CTNNA2: variants seen among roughly 807,000 people sequenced by gnomAD.
CTNNA2 encodes catenin alpha-2.
CTNNA2 carries 42 observed loss-of-function variants against 101.0 expected under a neutral mutation model. The ratio of observed to expected loss-of-function variants is 0.42; its 90% CI spans 0.32 to 0.54. The LOEUF is 0.54. CTNNA2 is among the 20% of genes least tolerant of loss of function. CTNNA2 has a pLI of 0.14. For synonymous variants in CTNNA2, 450 were observed against 456.4 expected (o/e 0.99, Z 0.18); for missense variants, 871 against 1,223.1 (o/e 0.71, Z 4.29).
In CTNNA2 at chr2:80,425,708, GT is replaced by G. The variant is rs200540908; in HGVS notation, c.1290+6115del. On this transcript the variant is annotated intron_variant, in intron 9 of 18. Transcript: ENST00000402739. Reference sequence around the variant, plus strand: ...ATTCAGTTTGCTATCTATTTTATGGGTTTTTTTTCCCTTGTATTTGTGTGCC... The same window carrying G: ...ATTCAGTTTGCTATCTATTTTATGGGTTTTTTTCCCTTGTATTTGTGTGCC... 8.6e-5 allele frequency among the ~76,000 whole-genome samples: 13 copies of G among 151,674 alleles called. No homozygotes were observed. In the South Asian group the frequency reaches 1.0e-3, roughly 12 times the overall value.
intron 9 of CTNNA2, among the ~76,000 whole-genome samples, chr2:80,491,319 T>A (rs1687040341): frequency 6.6e-6 from 1 of 152,314 alleles, no homozygotes; most frequent in South Asian, 2.1e-4. Flanking sequence ...GATCCATGGC[T>A]GCTACTTGCA....
chr2:79,428,591 AT>A (rs879473421), intron 4 of CTNNA2, among the ~76,000 whole-genome samples: 21 of 152,056 alleles, frequency 1.4e-4, no homozygotes, highest in Admixed American at 5.3e-4. Context: ...AGACAGAAAC[AT>A]GTAAAAAACA....
At position 80,020,359 on chromosome 2, in the gene CTNNA2, G is replaced by A. The variant is rs148538822; in HGVS notation, c.1056+110562G>A. 9.9e-4 allele frequency among the ~76,000 whole-genome samples: 150 copies of A among 152,240 alleles called. 4 individuals carry two copies. In the East Asian group the frequency reaches 0.027, roughly 27 times the overall value. On this transcript the variant is annotated intron_variant, in intron 7 of 18. Coordinates refer to ENST00000402739, the MANE Select transcript of CTNNA2 (RefSeq NM_001282597.3). ...ACTTGTATCTCCCAGGATGTTATAG[G>A]TTAGCAAAATAAACAGTGTATGATC...
chr2:79,450,590 A>G (rs923828179), intron 4 of CTNNA2, among the ~76,000 whole-genome samples: 28 of 152,104 alleles, frequency 1.8e-4, no homozygotes, highest in African/African-American at 6.8e-4. Flanking sequence ...TGATGAAATT[A>G]TCTTGAAATT....
At chr2:79,706,942 C>T (rs1685422403) in intron 2 of CTNNA2, among the ~76,000 whole-genome samples, 1 of 152,128 alleles carries the variant, frequency 6.6e-6, no homozygotes, top group Non-Finnish European at 1.5e-5. Flanking sequence ...CCACAGAATC[C>T]TGACTACACA....
intron 3 of CTNNA2, among the ~76,000 whole-genome samples, chr2:79,318,989 G>C (rs1464519206): frequency 6.6e-6 from 1 of 152,094 alleles, no homozygotes; most frequent in Non-Finnish European, 1.5e-5. Context: ...TAGAAATTAG[G>C]AAAGATTTTC....
At chr2:79,998,855 A>G (rs909822161) in intron 7 of CTNNA2, among the ~76,000 whole-genome samples, 4 of 152,168 alleles carry the variant, frequency 2.6e-5, no homozygotes, top group African/African-American at 7.2e-5. Flanking sequence ...GACAGCAATT[A>G]CGAGCCTTCT....
intron 6 of CTNNA2, among the ~76,000 whole-genome samples, chr2:79,875,973 A>G (rs2104076032): frequency 6.6e-6 from 1 of 152,094 alleles, no homozygotes; most frequent in East Asian, 2.0e-4. Flanking sequence ...TAATTTTTAA[A>G]AAGTTAATTT....
At chr2:80,619,834 C>T (rs182282909) in intron 18 of CTNNA2, among the ~76,000 whole-genome samples, 1 of 151,972 alleles carries the variant, frequency 6.6e-6, no homozygotes. Context: ...GATTTACTAC[C>T]CATTTTTGTT....
At chr2:80,496,198 G>A (rs1201434160) in intron 9 of CTNNA2, among the ~76,000 whole-genome samples, 3 of 152,040 alleles carry the variant, frequency 2.0e-5, no homozygotes, top group Non-Finnish European at 4.4e-5. Flanking sequence ...ATACATTTCT[G>A]TTGTTTTAAG....
At chr2:80,122,294 A>C (rs145591870) in intron 7 of CTNNA2, among the ~76,000 whole-genome samples, 2 of 134,056 alleles carry the variant, frequency 1.5e-5, no homozygotes, top group Non-Finnish European at 3.2e-5. Flanking sequence ...TCTCTCTCTC[A>C]ATCTCTCTTC....
chr2:80,102,538 C>T (rs944036703), intron 7 of CTNNA2, among the ~76,000 whole-genome samples: 1 of 152,114 alleles, frequency 6.6e-6, no homozygotes, highest in African/African-American at 2.4e-5. Flanking sequence ...GAGACAGAGT[C>T]TTCTTGCTCT....
rs147440971 is a variant in CTNNA2 at position 79,933,823 on chromosome 2, G to A, written c.1056+24026G>A. Among the ~76,000 whole-genome samples the A allele has an allele frequency of 1.8e-4, 27 of 152,194 alleles. 1 individual carries two copies. The East Asian group carries it at 5.2e-3, about 29-fold the overall frequency. On this transcript the variant is annotated intron_variant, in intron 7 of 18. Coordinates refer to ENST00000402739, the MANE Select transcript of CTNNA2 (RefSeq NM_001282597.3). ...TTAAGCACACTTAAAATGTTTCTGT[G>A]CTTCATTTACCTGCATTAATGCTTT...
chr2:80,314,940 A>G (rs1444937666), intron 7 of CTNNA2, among the ~76,000 whole-genome samples: 1 of 152,222 alleles, frequency 6.6e-6, no homozygotes, highest in African/African-American at 2.4e-5. Flanking sequence ...ACTTCGTATT[A>G]GCCTGAAAAC....
intron 2 of CTNNA2, among the ~76,000 whole-genome samples, chr2:79,255,884 T>C: frequency 6.6e-6 from 1 of 152,252 alleles, no homozygotes; most frequent in South Asian, 2.1e-4. Context: ...CTAACGCTCC[T>C]CAAAGTCAAG....
intron 18 of CTNNA2, among the ~76,000 whole-genome samples, chr2:80,643,499 C>A (rs1673712026): frequency 6.6e-6 from 1 of 152,070 alleles, no homozygotes; most frequent in Non-Finnish European, 1.5e-5. Context: ...TAAGCAGTTT[C>A]TCTTAGGTTA....
intron 2 of CTNNA2, among the ~76,000 whole-genome samples, chr2:79,291,532 A>G (rs1299336634): frequency 1.3e-5 from 2 of 151,954 alleles, no homozygotes; most frequent in East Asian, 1.9e-4. Context: ...CCTTTCTTTC[A>G]TTTCCTCCCA....
chr2:80,585,176 T>A (rs1695872946), intron 14 of CTNNA2, among the ~76,000 whole-genome samples: 2 of 152,182 alleles, frequency 1.3e-5, no homozygotes, highest in Non-Finnish European at 2.9e-5. Context: ...ATCATTTTTT[T>A]CTCTGGAAAT....
intron 2 of CTNNA2, among the ~76,000 whole-genome samples, chr2:79,679,189 G>A (rs1282379556): frequency 2.6e-5 from 4 of 152,110 alleles, no homozygotes; most frequent in Admixed American, 2.6e-4. Context: ...GGTTTTCCTG[G>A]TGTATCTAAA....
Sources: allele counts gnomAD v4.1 joint callset (sites outside exome capture counted in the v4.1 genomes callset), GRCh38; gene constraint gnomAD v4.1.1; transcripts MANE v1.5; gene names NCBI Gene and HGNC (gene_info 2026-07-23, HGNC 2026-07-21).